Variants in NDST1 observed in about 807,000 individuals in gnomAD.
The protein encoded by NDST1 is bifunctional heparan sulfate N-deacetylase/N-sulfotransferase 1.
Under a neutral mutation model 92.8 loss-of-function variants are expected in NDST1, and 35 were observed. The observed-to-expected ratio is 0.38, with a 90% CI of 0.29 to 0.50. NDST1 has a LOEUF of 0.50. Ranked by LOEUF, NDST1 falls within the 20% of genes least tolerant of loss-of-function variation. The pLI is 0.94. For missense variants in NDST1, 822 were observed against 1,182.7 expected, an observed-to-expected ratio of 0.69 and a Z score of 4.47; for synonymous variants, 493 against 500.3, an observed-to-expected ratio of 0.99 and a Z score of 0.19.
chr5:150,498,803 C>T (rs1581322755), intron 1 of NDST1, among the ~76,000 whole-genome samples: 2 of 152,178 alleles, frequency 1.3e-5, no homozygotes, highest in Admixed American at 6.5e-5. Flanking sequence ...GCTGGGCTGG[C>T]GGCCCCTCCT....
chr5:150,536,620 C>A (rs554951214), intron 6 of NDST1, among the ~76,000 whole-genome samples: 47 of 151,946 alleles, frequency 3.1e-4, no homozygotes, highest in African/African-American at 1.1e-3. Flanking sequence ...GGCTGGAGTG[C>A]AATGGCACAA....
intron 1 of NDST1, among the ~76,000 whole-genome samples, chr5:150,498,676 CTT>C (rs1753101702): frequency 6.6e-6 from 1 of 152,228 alleles, no homozygotes. Context: ...TCCATTGTCT[CTT>C]TCTCTCCCTT....
chr5:150,508,764 G>A (rs966011494), intron 1 of NDST1, among the ~76,000 whole-genome samples: 5 of 152,134 alleles, frequency 3.3e-5, no homozygotes, highest in African/African-American at 7.2e-5. Flanking sequence ...GGCTTTTGAT[G>A]GGGGCCAGTC....
intron 1 of NDST1, 96 bp downstream of exon 1, chr5:150,508,322 A>AGTGT (rs56201209): frequency 0.04 from 5,827 of 146,012 alleles, 154 homozygotes; most frequent in East Asian, 0.091. Context: ...GGTCCATCTG[A>AGTGT]GTGTGTGTGT....
chr5:150,538,812 A>C (rs749496957), intron 6 of NDST1, among the ~76,000 whole-genome samples: 2 of 152,132 alleles, frequency 1.3e-5, no homozygotes, highest in African/African-American at 2.4e-5. Flanking sequence ...TCACAGTTTC[A>C]TGAGGGGAGA....
intron 3 of NDST1, among the ~76,000 whole-genome samples, chr5:150,532,713 G>A (rs190090297): frequency 5.3e-5 from 8 of 152,270 alleles, no homozygotes; most frequent in Admixed American, 4.6e-4. Context: ...TTCCAGTAGA[G>A]ACTGGGTTTT....
chr5:150,519,364 T>A (rs1227296059), intron 1 of NDST1, among the ~76,000 whole-genome samples: 1 of 151,806 alleles, frequency 6.6e-6, no homozygotes, highest in Admixed American at 6.7e-5. Context: ...ACACCTTCCA[T>A]CTAGACCTGG....
upstream of NDST1, among the ~76,000 whole-genome samples, chr5:150,503,238 T>G (rs1386174332): frequency 6.6e-5 from 10 of 151,678 alleles, no homozygotes; most frequent in Admixed American, 6.6e-4. Flanking sequence ...AGGTCAGGAG[T>G]TCGAGACCAG....
rs1410736188 is a variant in NDST1 at position 150,521,526 on chromosome 5, G to A, written c.272G>A (p.Ser91Asn). Reference sequence around the variant, plus strand: ...CCGTTGGTGCTGGTCTTTGTGGAGAGCCTCTACTCGCAACTGGGCCAGGAG... The same window carrying A: ...CCGTTGGTGCTGGTCTTTGTGGAGAACCTCTACTCGCAACTGGGCCAGGAG... ...TDPLVLVFVE[S>N]LYSQLGQEVV... is the part of the protein sequence containing the mutation. The change falls in exon 2 of 15, where the codon AGC becomes AAC. Residue 91 changes from serine to asparagine, a missense_variant. By Grantham distance (46) the Ser-to-Asn change is conservative (BLOSUM62 1). Transcript: ENST00000261797. This position sits in a 1 kb window ranked among gnomAD's most constrained non-coding sequence, Gnocchi z 5.9. 1 of 1,614,046 alleles carries A rather than the reference G, an allele frequency of 6.2e-7. No homozygotes were observed. The highest frequency in any genetic ancestry group is 8.5e-7 in the Non-Finnish European group (1 of 1,180,026).
At chr5:150,541,137 T>G (rs921537257) in intron 8 of NDST1, among the ~76,000 whole-genome samples, 7 of 152,240 alleles carry the variant, frequency 4.6e-5, no homozygotes, top group Admixed American at 2.6e-4. Context: ...ACAGCCACGC[T>G]CATTCTTGTA....
chr5:150,534,801 G>T, intron 4 of NDST1, 66 bp from the exon 5 acceptor site: 2 of 1,602,034 alleles, frequency 1.2e-6, no homozygotes, highest in Non-Finnish European at 8.6e-7. Flanking sequence ...CCATCCCCAG[G>T]CACAGGCCCA....
chr5:150,540,036 C>CAGACACTGATGGGCCCTGCCTCT, intron 7 of NDST1, 46 bp from the exon 8 acceptor site: 1 of 1,610,466 alleles, frequency 6.2e-7, no homozygotes, highest in Non-Finnish European at 8.5e-7. Context: ...GAGGGTGGCT[C>CAGACACTGATGGGCCCTGCCTCT]AGACACTGAT....
In NDST1 at chr5:150,553,692, C is replaced by T. The variant is rs187310844; in HGVS notation, c.*360C>T. On this transcript the variant is annotated 3_prime_UTR_variant, in exon 15 of 15. Transcript: ENST00000261797. The surrounding 1 kb of genome is among the most constrained non-coding windows in gnomAD (Gnocchi z 4.2). ...CCCATCACTCCCTGCTTCCGCAGGG[C>T]GCCCCTCAGTATTCGCTGCCATATG... is the stretch of plus-strand genomic sequence containing the variant. 17 of 413,398 alleles carry T rather than the reference C, an allele frequency of 4.1e-5. No individual in the cohort carries two copies. Among genetic ancestry groups the T allele is most frequent in the Admixed American group, 2.5e-4 (7 of 28,194 alleles). 25.6% of individuals were successfully genotyped at this position (413,398 alleles called of 1,614,324 possible).
Position 150,553,528 on chromosome 5 carries a change from C to A in NDST1, c.*196C>A, listed in dbSNP as rs185478628. On this transcript the variant is annotated 3_prime_UTR_variant, in exon 15 of 15. Transcript: ENST00000261797. This position sits in a 1 kb window ranked among gnomAD's most constrained non-coding sequence, Gnocchi z 4.2. ...CTCGGAGCACCCACCGCTGGGTCTG[C>A]GGCCTAAGGGACCTCCCTCGCCAGC... The A allele has an allele frequency of 1.4e-6, 1 of 702,604 alleles. No individual in the cohort carries two copies. Among genetic ancestry groups the A allele is most frequent in the South Asian group, 1.5e-5 (1 of 66,276 alleles). The allele number at this position is 702,604 out of a possible 1,614,324, so 43.5% of individuals were successfully genotyped here. A position where few individuals can be genotyped will look rare whatever the true frequency, so the allele number is the denominator to read the frequency against.
chr5:150,515,493 G>A (rs1173111871), intron 1 of NDST1, among the ~76,000 whole-genome samples: 2 of 152,254 alleles, frequency 1.3e-5, no homozygotes, highest in Admixed American at 6.5e-5. Flanking sequence ...AGACTTAGGA[G>A]TGGGAGAGGG....
chr5:150,554,196 T>G lies in NDST1; in HGVS notation c.*864T>G, dbSNP rs1277621883. The G allele has an allele frequency of 1.3e-5, 5 of 398,176 alleles. No individual in the cohort carries two copies. The Admixed American group carries it at 1.8e-4, about 14-fold the overall frequency. 24.7% of individuals were successfully genotyped at this position (398,176 alleles called of 1,614,324 possible). A position where few individuals can be genotyped will look rare whatever the true frequency, so the allele number is the denominator to read the frequency against. On this transcript the variant is annotated 3_prime_UTR_variant, in exon 15 of 15. Coordinates refer to ENST00000261797, the MANE Select transcript of NDST1 (RefSeq NM_001543.5). ...GCTGGTGAGACTGCCAGCCACGGCT[T>G]TGCTTAGCCACCTGTGGCCGAGGGC...
chr5:150,544,272 G>T (rs1755382738), intron 10 of NDST1, among the ~76,000 whole-genome samples: 1 of 152,236 alleles, frequency 6.6e-6, no homozygotes. Context: ...AGCAAAGTAT[G>T]TGAATATTTA....
chr5:150,540,775 A>C (rs1023241880), intron 8 of NDST1, among the ~76,000 whole-genome samples: 1 of 152,164 alleles, frequency 6.6e-6, no homozygotes, highest in East Asian at 1.9e-4. Flanking sequence ...TGATCACACC[A>C]CTGTACTCCA....
intron 3 of NDST1, among the ~76,000 whole-genome samples, chr5:150,528,815 A>C (rs1252334380): frequency 6.6e-6 from 1 of 151,934 alleles, no homozygotes; most frequent in African/African-American, 2.4e-5. Flanking sequence ...AAAAAATAAA[A>C]CTTTATTGTA....
Sources: allele counts gnomAD v4.1 joint callset (sites outside exome capture counted in the v4.1 genomes callset), GRCh38; gene constraint gnomAD v4.1.1; non-coding constraint Gnocchi (gnomAD v3.1); transcripts MANE v1.5; gene names NCBI Gene and HGNC (gene_info 2026-07-23, HGNC 2026-07-21).